Variants in CNTNAP2 observed in about 807,000 individuals in gnomAD.
The protein encoded by CNTNAP2 is contactin associated protein 2.
In CNTNAP2, 98 loss-of-function variants were observed where a neutral mutation model predicts 155.2. That is an observed-to-expected ratio of 0.63 (90% CI 0.54 to 0.75). The LOEUF (loss-of-function observed/expected upper bound fraction) is 0.75. Ranked by LOEUF, CNTNAP2 falls within the 30% of genes least tolerant of loss-of-function variation. The pLI, the probability that CNTNAP2 is intolerant of heterozygous loss-of-function variation, is 0.00. For missense variants in CNTNAP2, 1,727 were observed against 1,688.1 expected (o/e 1.02, Z -0.40); for synonymous variants, 651 against 631.2 (o/e 1.03, Z -0.47).
At chr7:148,217,801 T>C (rs1350008095) in intron 19 of CNTNAP2, among the ~76,000 whole-genome samples, 1 of 152,242 alleles carries the variant, frequency 6.6e-6, no homozygotes, top group Non-Finnish European at 1.5e-5. Flanking sequence ...TATGTTTGCA[T>C]GTGTAATGAT....
At chr7:148,154,270 T>A (rs149800441) in intron 17 of CNTNAP2, among the ~76,000 whole-genome samples, 2 of 152,358 alleles carry the variant, frequency 1.3e-5, no homozygotes, top group African/African-American at 4.8e-5. Flanking sequence ...CGCAGCCTCT[T>A]CTTCCTCTGA....
At chr7:146,689,267 G>C (rs996071229) in intron 1 of CNTNAP2, among the ~76,000 whole-genome samples, 1 of 151,960 alleles carries the variant, frequency 6.6e-6, no homozygotes. Context: ...CCTGTCTTTT[G>C]AAAGCCAAAT....
chr7:147,573,588 A>G (rs1358699442), intron 12 of CNTNAP2, among the ~76,000 whole-genome samples: 1 of 152,192 alleles, frequency 6.6e-6, no homozygotes, highest in Non-Finnish European at 1.5e-5. Context: ...CAGGGCATGG[A>G]GGACAGAGCG....
chr7:146,747,160 GATA>G (rs1258272400), intron 1 of CNTNAP2, among the ~76,000 whole-genome samples: 4 of 152,052 alleles, frequency 2.6e-5, no homozygotes, highest in Admixed American at 1.3e-4. Flanking sequence ...ATGGCTATCT[GATA>G]ATAATCTTTT....
At chr7:146,500,799 T>C (rs1354767867) in intron 1 of CNTNAP2, among the ~76,000 whole-genome samples, 1 of 152,202 alleles carries the variant, frequency 6.6e-6, no homozygotes, top group Non-Finnish European at 1.5e-5. Flanking sequence ...GTGTTGTTCC[T>C]AATCTTCAAA....
At chr7:146,408,809 A>G (rs1370115324) in intron 1 of CNTNAP2, among the ~76,000 whole-genome samples, 1 of 152,090 alleles carries the variant, frequency 6.6e-6, no homozygotes, top group African/African-American at 2.4e-5. Flanking sequence ...CTTAATAAGC[A>G]TGGAAGCATC....
At chr7:147,062,198 A>G (rs549239964) in intron 4 of CNTNAP2, among the ~76,000 whole-genome samples, 1 of 150,356 alleles carries the variant, frequency 6.7e-6, no homozygotes, top group South Asian at 2.1e-4. Flanking sequence ...ATATAAAATT[A>G]AAACCATAGA....
At chr7:147,036,217 A>G (rs1225081417) in intron 3 of CNTNAP2, among the ~76,000 whole-genome samples, 3 of 152,220 alleles carry the variant, frequency 2.0e-5, no homozygotes, top group East Asian at 1.9e-4. Flanking sequence ...ACAGAGGAGC[A>G]TGTGACCTGC....
At chr7:146,667,118 G>T (rs901071393) in intron 1 of CNTNAP2, among the ~76,000 whole-genome samples, 3 of 152,044 alleles carry the variant, frequency 2.0e-5, no homozygotes, top group Admixed American at 1.3e-4. Flanking sequence ...ATAATTTCAG[G>T]TCTTATATCT....
intron 3 of CNTNAP2, among the ~76,000 whole-genome samples, chr7:146,957,925 T>C (rs916054657): frequency 6.6e-6 from 1 of 152,138 alleles, no homozygotes; most frequent in Non-Finnish European, 1.5e-5. Context: ...AATGAAACAA[T>C]CTTTATCATT....
chr7:147,085,291 T>C (rs1256482265), intron 4 of CNTNAP2, among the ~76,000 whole-genome samples: 1 of 152,162 alleles, frequency 6.6e-6, no homozygotes, highest in Non-Finnish European at 1.5e-5. Flanking sequence ...GGACCTATAC[T>C]GGTCCATGGC....
chr7:146,276,071 T>A (rs1402951762), intron 1 of CNTNAP2, among the ~76,000 whole-genome samples: 2 of 152,174 alleles, frequency 1.3e-5, no homozygotes, highest in Non-Finnish European at 1.5e-5. Flanking sequence ...AATGCAAACA[T>A]GCTAACCACA....
intron 1 of CNTNAP2, among the ~76,000 whole-genome samples, chr7:146,521,364 T>TTATAG (rs1797614271): frequency 6.6e-6 from 1 of 151,984 alleles, no homozygotes. Context: ...TGACCATGGT[T>TTATAG]TATAGCATAA....
intron 10 of CNTNAP2, among the ~76,000 whole-genome samples, chr7:147,411,746 C>T (rs115852542): frequency 0.014 from 2,124 of 152,146 alleles, 47 homozygotes; most frequent in African/African-American, 0.048. Flanking sequence ...TAATCACAAC[C>T]ACAGAGTTGC....
intron 11 of CNTNAP2, among the ~76,000 whole-genome samples, chr7:147,539,653 C>G (rs1025259398): frequency 6.6e-6 from 1 of 152,154 alleles, no homozygotes; most frequent in African/African-American, 2.4e-5. Flanking sequence ...GTGACACTAT[C>G]AACTCCCAGG....
At chr7:146,602,970 C>A (rs1798974300) in intron 1 of CNTNAP2, among the ~76,000 whole-genome samples, 2 of 151,608 alleles carry the variant, frequency 1.3e-5, no homozygotes, top group African/African-American at 4.8e-5. Flanking sequence ...TCTTCAATTT[C>A]CAGATGCATT....
At chr7:146,793,381 C>G (rs573293120) in intron 2 of CNTNAP2, among the ~76,000 whole-genome samples, 66 of 152,228 alleles carry the variant, frequency 4.3e-4, no homozygotes, top group African/African-American at 1.6e-3. Context: ...AGCAACATGC[C>G]AAGTCTGAGT....
At chr7:146,642,600 A>T (rs1799731487) in intron 1 of CNTNAP2, among the ~76,000 whole-genome samples, 1 of 151,442 alleles carries the variant, frequency 6.6e-6, no homozygotes, top group Non-Finnish European at 1.5e-5. Flanking sequence ...GCTATTGTGA[A>T]TAGTGCCGCA....
intron 6 of CNTNAP2, among the ~76,000 whole-genome samples, chr7:147,124,344 A>T (rs1230024594): frequency 6.6e-6 from 1 of 152,192 alleles, no homozygotes; most frequent in Non-Finnish European, 1.5e-5. Context: ...GAGTACACTA[A>T]GGACAAAGGC....
Sources: allele counts gnomAD v4.1 joint callset (sites outside exome capture counted in the v4.1 genomes callset), GRCh38; gene constraint gnomAD v4.1.1; transcripts MANE v1.5; gene names NCBI Gene and HGNC (gene_info 2026-07-23, HGNC 2026-07-21).